Variants in SDK1 observed in about 807,000 individuals in gnomAD.
SDK1 encodes sidekick cell adhesion molecule 1, also known as protein sidekick-1.
Under a neutral mutation model 245.5 loss-of-function variants are expected in SDK1, and 157 were observed. The observed-to-expected ratio is 0.64, with a 90% confidence interval of 0.56 to 0.73. The LOEUF is 0.73. Among genes scored for constraint, SDK1 ranks in the 30% least tolerant of loss-of-function variants. The pLI is 0.00. For missense variants in SDK1, 3,583 were observed against 3,002.3 expected, an observed-to-expected ratio of 1.19 and a Z score of -4.52; for synonymous variants, 1,647 against 1,278.5, an observed-to-expected ratio of 1.29 and a Z score of -6.15.
intron 1 of SDK1, among the ~76,000 whole-genome samples, chr7:3,549,862 C>G (rs772849071): frequency 3.9e-5 from 6 of 151,960 alleles, no homozygotes; most frequent in Middle Eastern, 3.2e-3. Flanking sequence ...TAGGCATAGG[C>G]CGACTCTTTC....
In SDK1 at chr7:3,605,410, C is replaced by T. The variant is rs138095649; in HGVS notation, c.299-13670C>T. Among the ~76,000 whole-genome samples, 1,475 of 152,310 alleles carry T rather than the reference C, an allele frequency of 9.7e-3. 20 individuals carry two copies. Among genetic ancestry groups the T allele is most frequent in the South Asian group, 0.052 (253 of 4,826 alleles). On this transcript the variant is annotated intron_variant, in intron 1 of 44. Transcript: ENST00000404826. ...TTCTCAAGGAAAAAATGCCCACAGTCGTCAGTGAACTGCTGAGTCTCATCT... is the reference window on the plus strand; with the variant it reads ...TTCTCAAGGAAAAAATGCCCACAGTTGTCAGTGAACTGCTGAGTCTCATCT...
chr7:4,099,243 C>T (rs1052397447), intron 22 of SDK1, among the ~76,000 whole-genome samples: 4 of 150,936 alleles, frequency 2.7e-5, no homozygotes, highest in East Asian at 4.0e-4. Context: ...TATTTTTATT[C>T]GGGAACGGTG....
At chr7:4,211,400 C>G (rs892423969) in intron 38 of SDK1, among the ~76,000 whole-genome samples, 4 of 151,924 alleles carry the variant, frequency 2.6e-5, no homozygotes, top group African/African-American at 9.7e-5. Flanking sequence ...TGGCATCATC[C>G]TACAGGAGAG....
chr7:3,653,370 CTT>C (rs1459718492), intron 4 of SDK1, among the ~76,000 whole-genome samples: 1 of 152,100 alleles, frequency 6.6e-6, no homozygotes, highest in Non-Finnish European at 1.5e-5. Context: ...GAAATCTAGA[CTT>C]AGAATGGCAC....
At chr7:4,129,702 C>A in intron 26 of SDK1, 6 of 1,414,082 alleles carry the variant, frequency 4.2e-6, no homozygotes, top group African/African-American at 1.5e-5. Flanking sequence ...AACTCAAGCT[C>A]CCCTGGAGCG....
At chr7:3,959,352 C>A (rs182118101) in intron 8 of SDK1, among the ~76,000 whole-genome samples, 70 of 152,290 alleles carry the variant, frequency 4.6e-4, no homozygotes, top group African/African-American at 1.6e-3. Context: ...CCCCGAGATT[C>A]GGGGCAGAAA....
At chr7:3,308,105 C>A (rs911419026) in intron 1 of SDK1, among the ~76,000 whole-genome samples, 2 of 152,060 alleles carry the variant, frequency 1.3e-5, no homozygotes, top group African/African-American at 4.8e-5. Flanking sequence ...GGTTCATGTT[C>A]AAAATTTTAG....
intron 20 of SDK1, among the ~76,000 whole-genome samples, chr7:4,068,216 A>G (rs1349447359): frequency 6.6e-6 from 1 of 152,208 alleles, no homozygotes; most frequent in African/African-American, 2.4e-5. Context: ...TCTCTGACCA[A>G]TGAGAGTCAG....
At chr7:4,201,455 T>C (rs894378751) in intron 35 of SDK1, among the ~76,000 whole-genome samples, 2 of 152,232 alleles carry the variant, frequency 1.3e-5, no homozygotes, top group Non-Finnish European at 2.9e-5. Context: ...GAATATACAA[T>C]TTTTAAAAAA....
intron 22 of SDK1, among the ~76,000 whole-genome samples, chr7:4,101,414 T>C (rs945251899): frequency 2.0e-5 from 3 of 152,230 alleles, no homozygotes; most frequent in African/African-American, 7.2e-5. Flanking sequence ...CCCAAAGTGC[T>C]GGGATTACAG....
intron 14 of SDK1, among the ~76,000 whole-genome samples, chr7:3,990,265 C>G (rs1784194138): frequency 6.6e-6 from 1 of 152,218 alleles, no homozygotes; most frequent in African/African-American, 2.4e-5. Context: ...AGGCCAGAGT[C>G]CAGGCCCTTC....
intron 5 of SDK1, among the ~76,000 whole-genome samples, chr7:3,861,410 G>A (rs552653399): frequency 6.6e-6 from 1 of 152,316 alleles, no homozygotes; most frequent in South Asian, 2.1e-4. Context: ...TTTGGTGCTT[G>A]TAGGAGGGTA....
At chr7:3,376,180 G>C (rs542474178) in intron 1 of SDK1, among the ~76,000 whole-genome samples, 1 of 152,236 alleles carries the variant, frequency 6.6e-6, no homozygotes, top group Admixed American at 6.5e-5. Context: ...CCGGGTGACA[G>C]AGTGAGACCC....
chr7:3,759,225 T>C lies in SDK1; in HGVS notation c.714-62225T>C, dbSNP rs147152635. Among the ~76,000 whole-genome samples, 55 of 152,366 alleles carry C rather than the reference T, an allele frequency of 3.6e-4. 1 individual carries two copies. Among genetic ancestry groups the C allele is most frequent in the Middle Eastern group, 6.8e-3 (2 of 294 alleles). On this transcript the variant is annotated intron_variant, in intron 4 of 44. Coordinates refer to ENST00000404826, the MANE Select transcript of SDK1 (RefSeq NM_152744.4). Reference sequence around the variant, plus strand: ...GATCATAATTCTGAAAGAAATGCTGTAAAATGCTGTACTTTCTGAAGTCTA... The same window carrying C: ...GATCATAATTCTGAAAGAAATGCTGCAAAATGCTGTACTTTCTGAAGTCTA...
intron 1 of SDK1, among the ~76,000 whole-genome samples, chr7:3,563,827 G>A (rs912426076): frequency 6.6e-6 from 1 of 152,074 alleles, no homozygotes; most frequent in Non-Finnish European, 1.5e-5. Context: ...TCCCAGGAAT[G>A]AAAGCAATAA....
chr7:4,029,285 C>G (rs986348826), intron 17 of SDK1, among the ~76,000 whole-genome samples: 2 of 147,516 alleles, frequency 1.4e-5, no homozygotes, highest in African/African-American at 5.2e-5. Context: ...AATCTCAGCT[C>G]ACTGCATCAT....
intron 10 of SDK1, among the ~76,000 whole-genome samples, 163 bp from the exon 11 acceptor site, chr7:3,969,094 C>T (rs1330775001): frequency 5.3e-5 from 8 of 152,240 alleles, no homozygotes; most frequent in Non-Finnish European, 7.3e-5. Context: ...ATCCAGTCAC[C>T]TCCCACCAGA....
At chr7:4,219,509 C>G (rs2128231281) in intron 38 of SDK1, among the ~76,000 whole-genome samples, 1 of 152,290 alleles carries the variant, frequency 6.6e-6, no homozygotes, top group East Asian at 1.9e-4. Context: ...ATTTATAAAA[C>G]CATCAGATCT....
intron 4 of SDK1, among the ~76,000 whole-genome samples, chr7:3,688,561 T>C (rs1380297019): frequency 6.6e-6 from 1 of 152,248 alleles, no homozygotes; most frequent in Admixed American, 6.5e-5. Context: ...GGAGCAGTAG[T>C]GGTGCAGAGG....
Sources: allele counts gnomAD v4.1 joint callset (sites outside exome capture counted in the v4.1 genomes callset), GRCh38; gene constraint gnomAD v4.1.1; transcripts MANE v1.5; gene names NCBI Gene and HGNC (gene_info 2026-07-23, HGNC 2026-07-21).